TEKT3: variants seen among roughly 807,000 people sequenced by gnomAD.
TEKT3 encodes tektin-3.
Under a neutral mutation model 49.8 loss-of-function variants are expected in TEKT3, and 49 were observed. The ratio of observed to expected loss-of-function variants is 0.98; its 90% confidence interval spans 0.78 to 1.25. The LOEUF is 1.25. Ranked by LOEUF, TEKT3 falls within the 50% of genes most tolerant of loss-of-function variation. The pLI is 0.00. For missense variants in TEKT3, 595 were observed against 629.5 expected, an observed-to-expected ratio of 0.95 and a Z score of 0.59; for synonymous variants, 225 against 237.2, an observed-to-expected ratio of 0.95 and a Z score of 0.47.
intron 4 of TEKT3, among the ~76,000 whole-genome samples, chr17:15,325,616 G>T (rs1043864504): frequency 6.6e-6 from 1 of 152,264 alleles, no homozygotes; most frequent in Non-Finnish European, 1.5e-5. Context: ...CATGTAGTCA[G>T]GTTTGAGAGC....
At chr17:15,342,936 CT>C (rs373076456), upstream of TEKT3, among the ~76,000 whole-genome samples, 578 of 152,290 alleles carry the variant, frequency 3.8e-3, 4 homozygotes, top group African/African-American at 0.013. Context: ...TCTGAGCTGT[CT>C]TTTTTTATTA....
chr17:15,305,461 G>C (rs998896007), intron 8 of TEKT3, among the ~76,000 whole-genome samples: 2 of 152,178 alleles, frequency 1.3e-5, no homozygotes, highest in African/African-American at 4.8e-5. Context: ...CAAATTTCTT[G>C]TTATTGTTTA....
chr17:15,309,220 G>C (rs1414477696), intron 7 of TEKT3, among the ~76,000 whole-genome samples: 2 of 152,288 alleles, frequency 1.3e-5, no homozygotes, highest in Admixed American at 1.3e-4. Flanking sequence ...GTGAGGCTTT[G>C]AGTGGCCCTG....
At chr17:15,316,410 C>T (rs1451198591) in intron 5 of TEKT3, among the ~76,000 whole-genome samples, 1 of 152,020 alleles carries the variant, frequency 6.6e-6, no homozygotes, top group Admixed American at 6.5e-5. Flanking sequence ...TTGGCTGGAA[C>T]AGTGGTTGAA....
In TEKT3 at chr17:15,329,455, G is replaced by A. The variant is rs114325670; in HGVS notation, c.580-1380C>T. On this transcript the variant is annotated intron_variant, in intron 3 of 8. Transcript: ENST00000395930. Reference sequence around the variant, plus strand: ...AAACTGAATCTCCACTGGAAATTAAGAAAGTAGCTATCATTTTAAGGATAT... The same window carrying A: ...AAACTGAATCTCCACTGGAAATTAAAAAAGTAGCTATCATTTTAAGGATAT... Among the ~76,000 whole-genome samples, 353 of 152,336 alleles carry A rather than the reference G, an allele frequency of 2.3e-3. 1 individual carries two copies. The highest frequency in any genetic ancestry group is 7.9e-3 in the African/African-American group (329 of 41,578).
rs763214298 is a variant in TEKT3 at position 15,303,980 on chromosome 17, G to A, written c.1429C>T (p.Arg477Cys). The A allele has an allele frequency of 9.3e-6, 15 of 1,613,992 alleles. No individual in the cohort carries two copies. The highest frequency in any genetic ancestry group is 8.9e-5 in the East Asian group (4 of 44,880). Residue 477 changes from arginine (R) to cysteine (C), a missense_variant, in exon 9 of 9, where the codon CGC becomes TGC. By Grantham distance (180) the Arg-to-Cys change is radical. Coordinates refer to ENST00000395930, the MANE Select transcript of TEKT3 (RefSeq NM_031898.3). ...YIDQEKCMSM[R>C]KSYPNTLRLV... ...CGGAGGGTGTTGGGGTAGCTCTTGC[G>A]CATGCTCATGCATTTTTCCTGGTCG...
intron 2 of TEKT3, among the ~76,000 whole-genome samples, chr17:15,337,293 C>T (rs1158323003): frequency 3.3e-5 from 5 of 151,224 alleles, no homozygotes; most frequent in African/African-American, 1.2e-4. Flanking sequence ...ATATCTAAGA[C>T]TAAAAAACAA....
At chr17:15,319,200 T>A in intron 4 of TEKT3, 53 bp from the exon 5 acceptor site, 1 of 1,428,580 alleles carries the variant, frequency 7.0e-7, no homozygotes, top group Non-Finnish European at 9.5e-7. Context: ...AATATAACAC[T>A]CAAAATCAAC....
At chr17:15,306,237 A>G (rs1028121548) in intron 8 of TEKT3, among the ~76,000 whole-genome samples, 1 of 152,098 alleles carries the variant, frequency 6.6e-6, no homozygotes, top group Non-Finnish European at 1.5e-5. Context: ...TAACTCGTTT[A>G]GAACATTTTT....
chr17:15,318,884 T>C (rs904965946), intron 5 of TEKT3, among the ~76,000 whole-genome samples, 193 bp downstream of exon 5: 1 of 152,218 alleles, frequency 6.6e-6, no homozygotes, highest in Non-Finnish European at 1.5e-5. Flanking sequence ...GATATTTTGA[T>C]ACAGGCATAC....
intron 1 of TEKT3, chr17:15,340,379 C>CAAAAAAAAAAAAAA (rs11351552): frequency 7.7e-6 from 1 of 129,394 alleles, no homozygotes; most frequent in African/African-American, 2.9e-5. Context: ...ACTAAAAATA[C>CAAAAAAAAAAAAAA]AAAAAAAAAA....
intron 3 of TEKT3, among the ~76,000 whole-genome samples, chr17:15,328,882 A>G (rs1457140775): frequency 6.6e-6 from 1 of 152,236 alleles, no homozygotes; most frequent in Non-Finnish European, 1.5e-5. Flanking sequence ...CCCAAATAAT[A>G]TTAAATTTTT....
At chr17:15,341,942 G>A (rs1912249419), upstream of TEKT3, among the ~76,000 whole-genome samples, 1 of 152,184 alleles carries the variant, frequency 6.6e-6, no homozygotes, top group African/African-American at 2.4e-5. Context: ...CCGATTCTAA[G>A]GCACATCAGG....
chr17:15,333,197 G>A (rs1277074166), intron 2 of TEKT3, among the ~76,000 whole-genome samples: 1 of 152,032 alleles, frequency 6.6e-6, no homozygotes, highest in Admixed American at 6.6e-5. Flanking sequence ...ATGTCATTCT[G>A]TTTTGGGGTT....
At chr17:15,317,975 CTCTTTTTTTTTTTT>C (rs1335069974) in intron 5 of TEKT3, among the ~76,000 whole-genome samples, 3 of 104,524 alleles carry the variant, frequency 2.9e-5, no homozygotes, top group Non-Finnish European at 5.4e-5. Context: ...GAGGTCGGAT[CTCTTTTTTTTTTTT>C]TCTTTTTTTT....
Position 15,314,193 on chromosome 17 carries a change from G to C in TEKT3, c.772C>G (p.Leu258Val). 1.2e-6 allele frequency: 2 copies of C among 1,614,226 alleles called. No homozygotes were observed. The highest frequency in any genetic ancestry group is 1.1e-5 in the South Asian group (1 of 91,082). The change falls in exon 6 of 9, where the codon CTG (leucine) becomes GTG (valine). Residue 258 changes from leucine to valine, a missense_variant. Coordinates refer to ENST00000395930, the MANE Select transcript of TEKT3 (RefSeq NM_031898.3). ...CGGTAAGCCGTCTGTTTGTCACTCA[G>C]GTCCTTTTCCAGCTCATGCTGGGAC... is the stretch of plus-strand genomic sequence containing the variant. ...RASQHELEKD[L>V]SDKQTAYRID... is the part of the protein sequence containing the mutation.
intron 7 of TEKT3, among the ~76,000 whole-genome samples, chr17:15,311,680 A>G (rs556382042): frequency 7.8e-4 from 119 of 152,364 alleles, no homozygotes; most frequent in Non-Finnish European, 1.4e-3. Context: ...TATATGCAGC[A>G]TAATCCACAG....
chr17:15,339,615 T>C (rs59768556), intron 2 of TEKT3, among the ~76,000 whole-genome samples: 1,536 of 152,318 alleles, frequency 0.01, 16 homozygotes, highest in African/African-American at 0.034. Context: ...TAAGCAAGAC[T>C]GGAAGATCAT....
At chr17:15,312,757 T>A (rs979288840) in intron 6 of TEKT3, among the ~76,000 whole-genome samples, 3 of 152,250 alleles carry the variant, frequency 2.0e-5, no homozygotes, top group African/African-American at 7.2e-5. Context: ...ACGTGTAGGT[T>A]CATTATAAAT....
Sources: gnomAD v4.1 joint callset for allele counts (sites outside exome capture counted in the v4.1 genomes callset) on GRCh38, gnomAD v4.1.1 for gene constraint, MANE v1.5 for transcripts, NCBI Gene and HGNC (gene_info 2026-07-23, HGNC 2026-07-21) for gene names.